OR2L13: variants seen among roughly 807,000 people sequenced by gnomAD.
The protein encoded by OR2L13 is olfactory receptor family 2 subfamily L member 13.
OR2L13 carries 14 observed loss-of-function variants against 15.3 expected under a neutral mutation model. That is an observed-to-expected ratio of 0.91 (90% CI 0.60 to 1.43). The LOEUF (loss-of-function observed/expected upper bound fraction) is 1.43. Among genes scored for constraint, OR2L13 ranks in the 40% most tolerant of loss-of-function variants. OR2L13 has a pLI of 0.00. For synonymous variants in OR2L13, 152 were observed against 142.9 expected, an observed-to-expected ratio of 1.06 and a Z score of -0.45; for missense variants, 367 against 387.9, an observed-to-expected ratio of 0.95 and a Z score of 0.45.
At chr1:247,988,405 T>C in the OR2L13 span, among the ~76,000 whole-genome samples, 1 of 152,092 alleles carries the variant, frequency 6.6e-6, no homozygotes, top group Non-Finnish European at 1.5e-5. Context: ...ACATAGATAA[T>C]GATATTTATT....
chr1:248,003,985 C>T, the OR2L13 span: 1 of 1,614,008 alleles, frequency 6.2e-7, no homozygotes, highest in Non-Finnish European at 8.5e-7. Context: ...CAATGCTCAA[C>T]CCCATCATCT....
chr1:248,039,337 T>G, the OR2L13 span: 6 of 788,594 alleles, frequency 7.6e-6, no homozygotes, highest in African/African-American at 7.0e-5. Flanking sequence ...TGTCTTTTAA[T>G]TTAGTCTTGA....
the OR2L13 span, among the ~76,000 whole-genome samples, chr1:248,075,738 A>T: frequency 6.6e-6 from 1 of 152,102 alleles, no homozygotes; most frequent in Non-Finnish European, 1.5e-5. Flanking sequence ...AGTTCTTTGT[A>T]TATTCTGGAT....
At chr1:247,982,866 A>AT in the OR2L13 span, among the ~76,000 whole-genome samples, 2 of 152,068 alleles carry the variant, frequency 1.3e-5, no homozygotes, top group South Asian at 4.1e-4. Flanking sequence ...ATCTATAATG[A>AT]TTTTTTTATT....
At chr1:248,090,054 A>G in the OR2L13 span, among the ~76,000 whole-genome samples, 1 of 152,156 alleles carries the variant, frequency 6.6e-6, no homozygotes, top group Non-Finnish European at 1.5e-5. Flanking sequence ...ACTTACCTGT[A>G]GCCATCCATC....
the OR2L13 span, among the ~76,000 whole-genome samples, chr1:247,968,761 T>C: frequency 6.6e-6 from 1 of 151,894 alleles, no homozygotes; most frequent in African/African-American, 2.4e-5. Context: ...ACATTTGGGT[T>C]GGTTCCAAGT....
chr1:248,011,500 T>C, the OR2L13 span, among the ~76,000 whole-genome samples: 1 of 152,136 alleles, frequency 6.6e-6, no homozygotes, highest in Non-Finnish European at 1.5e-5. Flanking sequence ...TGGTCTGTCT[T>C]GATAGGTTGG....
At chr1:248,009,533 A>G in the OR2L13 span, among the ~76,000 whole-genome samples, 1 of 152,170 alleles carries the variant, frequency 6.6e-6, no homozygotes, top group Non-Finnish European at 1.5e-5. Flanking sequence ...AGTAATTAAT[A>G]GCCTTATAAC....
At chr1:248,028,482 A>G in the OR2L13 span, among the ~76,000 whole-genome samples, 2 of 152,270 alleles carry the variant, frequency 1.3e-5, no homozygotes, top group Admixed American at 1.3e-4. Flanking sequence ...GAATATGATT[A>G]TGCATTTAAA....
the OR2L13 span, among the ~76,000 whole-genome samples, chr1:247,989,075 G>T: frequency 6.6e-6 from 1 of 152,040 alleles, no homozygotes; most frequent in Non-Finnish European, 1.5e-5. Context: ...ATTCAGATGG[G>T]GGTCTGCACT....
the OR2L13 span, among the ~76,000 whole-genome samples, chr1:248,037,010 A>C: frequency 6.6e-6 from 1 of 152,154 alleles, no homozygotes; most frequent in Non-Finnish European, 1.5e-5. Context: ...GAGACATGGA[A>C]GCTAAAATGA....
the OR2L13 span, among the ~76,000 whole-genome samples, chr1:247,998,818 T>C: frequency 6.6e-6 from 1 of 152,166 alleles, no homozygotes; most frequent in Non-Finnish European, 1.5e-5. Context: ...TTACAATGTA[T>C]TAATTTTTTC....
chr1:247,984,881 T>C, the OR2L13 span, among the ~76,000 whole-genome samples: 1 of 152,134 alleles, frequency 6.6e-6, no homozygotes, highest in African/African-American at 2.4e-5. Context: ...ACACAATTAT[T>C]CTCCCTGTCT....
At chr1:248,085,928 A>T in the OR2L13 span, among the ~76,000 whole-genome samples, 1 of 152,144 alleles carries the variant, frequency 6.6e-6, no homozygotes, top group South Asian at 2.1e-4. Flanking sequence ...CGGAGGCAGA[A>T]CTCAATGGGT....
chr1:248,063,847 C>A, the OR2L13 span, among the ~76,000 whole-genome samples: 1 of 152,182 alleles, frequency 6.6e-6, no homozygotes, highest in African/African-American at 2.4e-5. Flanking sequence ...AGGCAAATTG[C>A]CCCACGTGGG....
At chr1:247,955,254 C>T in the OR2L13 span, among the ~76,000 whole-genome samples, 6 of 152,198 alleles carry the variant, frequency 3.9e-5, no homozygotes, top group South Asian at 2.1e-4. Context: ...CAGCTTCATC[C>T]GTGTCCCTAC....
chr1:247,980,111 A>G, the OR2L13 span, among the ~76,000 whole-genome samples: 1 of 152,156 alleles, frequency 6.6e-6, no homozygotes, highest in Non-Finnish European at 1.5e-5. Flanking sequence ...ACTGGAAACC[A>G]TGGAAAATTT....
chr1:247,981,030 T>C, the OR2L13 span: 1 of 152,154 alleles, frequency 6.6e-6, no homozygotes, highest in Non-Finnish European at 1.5e-5. Flanking sequence ...AGAAATAGAA[T>C]TGAAGTCTGA....
At chr1:248,022,141 T>G in the OR2L13 span, 2 of 1,613,982 alleles carry the variant, frequency 1.2e-6, no homozygotes, top group Non-Finnish European at 1.7e-6. Flanking sequence ...CTTAGTCAGC[T>G]CTCCCTCATT....
Sources: allele counts gnomAD v4.1 joint callset (sites outside exome capture counted in the v4.1 genomes callset), GRCh38; gene constraint gnomAD v4.1.1; transcripts MANE v1.5; gene names NCBI Gene and HGNC (gene_info 2026-07-23, HGNC 2026-07-21).